Variants in NCR1 observed in about 807,000 individuals in gnomAD.
The protein encoded by NCR1 is natural cytotoxicity triggering receptor 1, also known as NK cell-activating receptor.
NCR1 carries 30 observed loss-of-function variants against 32.5 expected under a neutral mutation model. That is an observed-to-expected ratio of 0.92 (90% CI 0.69 to 1.25). The LOEUF (loss-of-function observed/expected upper bound fraction) is 1.25. Ranked by LOEUF, NCR1 falls within the 50% of genes most tolerant of loss-of-function variation. NCR1 has a pLI of 0.00. For missense variants in NCR1, 369 were observed against 380.7 expected, an observed-to-expected ratio of 0.97 and a Z score of 0.26; for synonymous variants, 169 against 143.4, an observed-to-expected ratio of 1.18 and a Z score of -1.28.
downstream of NCR1, among the ~76,000 whole-genome samples, chr19:54,916,711 T>A (rs1393090202): frequency 1.5e-5 from 2 of 133,726 alleles, no homozygotes; most frequent in Non-Finnish European, 3.2e-5. Flanking sequence ...TATTTTTTTT[T>A]TTTTTTTTTT....
chr19:54,922,478 CACAGAA>C, the NCR1 span, among the ~76,000 whole-genome samples: 2 of 151,930 alleles, frequency 1.3e-5, no homozygotes, highest in African/African-American at 4.8e-5. Flanking sequence ...CACAGACTCA[CACAGAA>C]ACAGACAGAC....
Position 54,909,330 on chromosome 19 carries a change from C to T in NCR1, c.441C>T (p.Asp147=), listed in dbSNP as rs1196098959. ...GEKVTFYCRL[D]TATSMFLLLK... is the part of the protein sequence containing the mutation. ...AGGTGACCTTCTACTGCCGTCTAGA[C>T]ACTGCAACAAGCATGTTCTTACTGC... Residue 147 remains aspartate, a synonymous_variant, in exon 4 of 7, where the codon GAC becomes GAT. Coordinates refer to ENST00000291890, the MANE Select transcript of NCR1 (RefSeq NM_004829.7). The T allele has an allele frequency of 5.6e-6, 9 of 1,614,028 alleles. No individual in the cohort carries two copies. The highest frequency in any genetic ancestry group is 7.6e-6 in the Non-Finnish European group (9 of 1,180,034).
At chr19:54,916,741 C>A (rs978470597), downstream of NCR1, among the ~76,000 whole-genome samples, 3 of 115,212 alleles carry the variant, frequency 2.6e-5, no homozygotes. Context: ...TCTCGCTCTG[C>A]ACACCCAGGC....
chr19:54,920,234 A>C (rs968218049), downstream of NCR1, among the ~76,000 whole-genome samples: 2 of 152,086 alleles, frequency 1.3e-5, no homozygotes, highest in African/African-American at 2.4e-5. Context: ...TGAGCCAGCC[A>C]TTCTTAACTG....
chr19:54,935,619 G>C, the NCR1 span, among the ~76,000 whole-genome samples: 1 of 151,570 alleles, frequency 6.6e-6, no homozygotes, highest in African/African-American at 2.4e-5. Flanking sequence ...CTTGAACCCA[G>C]GAGGCGGAGG....
chr19:54,930,130 A>G, the NCR1 span, among the ~76,000 whole-genome samples: 4,150 of 150,682 alleles, frequency 0.028, 219 homozygotes, highest in African/African-American at 0.098. Context: ...AAAAAAAAAA[A>G]AAAAGAAAAC....
chr19:54,935,241 T>C, the NCR1 span, among the ~76,000 whole-genome samples: 3 of 152,010 alleles, frequency 2.0e-5, no homozygotes, highest in African/African-American at 4.8e-5. Context: ...AAAAAAATTT[T>C]TTTTTTGAGA....
the NCR1 span, among the ~76,000 whole-genome samples, chr19:54,935,507 C>A: frequency 6.6e-6 from 1 of 152,022 alleles, no homozygotes; most frequent in Non-Finnish European, 1.5e-5. Flanking sequence ...ACCAGCCTGG[C>A]CAACATGGTG....
At chr19:54,914,330 T>G (rs1304144783), downstream of NCR1, among the ~76,000 whole-genome samples, 1 of 151,946 alleles carries the variant, frequency 6.6e-6, no homozygotes, top group Non-Finnish European at 1.5e-5. Flanking sequence ...CATTTAACAT[T>G]AGGTATATCT....
chr19:54,930,115 CAAAAA>C, the NCR1 span, among the ~76,000 whole-genome samples: 1 of 100,540 alleles, frequency 9.9e-6, no homozygotes, highest in Non-Finnish European at 2.0e-5. Context: ...GGCTCCGTCT[CAAAAA>C]AAAAAAAAAA....
downstream of NCR1, among the ~76,000 whole-genome samples, chr19:54,919,217 A>T (rs1385173507): frequency 6.7e-6 from 1 of 150,076 alleles, no homozygotes; most frequent in Non-Finnish European, 1.5e-5. Flanking sequence ...AAGACACAAG[A>T]CAAAGAGACA....
the NCR1 span, chr19:54,933,436 C>T: frequency 1.1e-5 from 13 of 1,154,892 alleles, no homozygotes; most frequent in East Asian, 2.6e-5. Context: ...TGAGCCACCA[C>T]GCCTGGCCTC....
chr19:54,912,637 A>G, intron 6 of NCR1, 53 bp from the exon 7 acceptor site: 2 of 510,738 alleles, frequency 3.9e-6, no homozygotes, highest in South Asian at 3.2e-5. Flanking sequence ...AAAAAAAAAA[A>G]AGAGGGTGTC....
In NCR1 at chr19:54,912,486, C is replaced by T. The variant is rs537526796; in HGVS notation, c.734-204C>T. On this transcript the variant is annotated intron_variant, in intron 6 of 6. Transcript: ENST00000291890. ...TGGTGGCGTGTGCCTGTAGTCCCAG[C>T]TACTTGGGAGGCTGAGACAGGAGAA... Among the ~76,000 whole-genome samples, 6 of 151,682 alleles carry T rather than the reference C, an allele frequency of 4.0e-5. No homozygotes were observed. The South Asian group carries it at 1.3e-3, about 32-fold the overall frequency.
chr19:54,935,785 A>G, the NCR1 span, among the ~76,000 whole-genome samples: 6 of 151,768 alleles, frequency 4.0e-5, no homozygotes, highest in African/African-American at 1.5e-4. Context: ...GAGATTGATG[A>G]TCCATTCTCC....
intron 4 of NCR1, 26 bp from the exon 5 acceptor site, chr19:54,909,991 CT>C (rs756554493): frequency 4.7e-4 from 670 of 1,411,718 alleles, no homozygotes; most frequent in Non-Finnish European, 6.3e-4. Flanking sequence ...AAAACCCTTA[CT>C]TTTTTTTCTT....
chr19:54,912,301 A>T (rs2068013554), intron 6 of NCR1, 83 bp downstream of exon 6: 1 of 1,400,312 alleles, frequency 7.1e-7, no homozygotes, highest in Non-Finnish European at 1.0e-6. Context: ...AAATGGGAAC[A>T]AGAGGGTGTC....
At chr19:54,933,402 C>G in the NCR1 span, among the ~76,000 whole-genome samples, 1 of 152,208 alleles carries the variant, frequency 6.6e-6, no homozygotes, top group East Asian at 1.9e-4. Context: ...GCCTCGGCCT[C>G]CCAAAGTGCT....
chr19:54,924,119 C>A, the NCR1 span, among the ~76,000 whole-genome samples: 1 of 152,058 alleles, frequency 6.6e-6, no homozygotes, highest in Non-Finnish European at 1.5e-5. Flanking sequence ...AGGTGTGCAC[C>A]ACCACGCTTG....
Sources: allele counts gnomAD v4.1 joint callset (sites outside exome capture counted in the v4.1 genomes callset), GRCh38; gene constraint gnomAD v4.1.1; transcripts MANE v1.5; gene names NCBI Gene and HGNC (gene_info 2026-07-23, HGNC 2026-07-21).